C14orf132: variants seen among roughly 807,000 people sequenced by gnomAD.
C14orf132 encodes the protein chromosome 14 open reading frame 132.
Under a neutral mutation model 5.8 loss-of-function variants are expected in C14orf132, and 6 were observed. The ratio of observed to expected loss-of-function variants is 1.03; its 90% CI spans 0.57 to 2.04. The LOEUF (loss-of-function observed/expected upper bound fraction) is 2.04, where lower values mean the gene tolerates loss of function less well. C14orf132 is among the 30% of genes most tolerant of loss of function. C14orf132 has a pLI of 0.00. For missense variants in C14orf132, 125 were observed against 115.8 expected (o/e 1.08, Z -0.37); for synonymous variants, 51 against 49.8 (o/e 1.02, Z -0.10).
intron 1 of C14orf132, among the ~76,000 whole-genome samples, chr14:96,055,729 G>A (rs1241694244): frequency 1.3e-5 from 2 of 152,176 alleles, no homozygotes; most frequent in South Asian, 2.1e-4. Context: ...ACCGTGCCTG[G>A]TACAGAATAG....
rs758076664 is a variant in C14orf132, at chr14:96,093,651, G to C, written c.*6916G>C. The C allele has an allele frequency of 6.6e-6, 1 of 152,112 alleles. No individual in the cohort carries two copies. Among genetic ancestry groups the C allele is most frequent in the Admixed American group, 6.5e-5 (1 of 15,276 alleles). The allele number at this position is 152,112 out of a possible 1,614,324, so 9.4% of individuals were successfully genotyped here. On this transcript the variant is annotated 3_prime_UTR_variant, in exon 2 of 2. Transcript: ENST00000555004. ...AATGTAAGCAGTTGACTTCATAAAA[G>C]GTATTTTAACTATTCTTGGAGTCCT... is the stretch of plus-strand genomic sequence containing the variant.
intron 1 of C14orf132, among the ~76,000 whole-genome samples, chr14:96,057,126 A>G (rs1887207466): frequency 6.6e-6 from 1 of 152,234 alleles, no homozygotes; most frequent in South Asian, 2.1e-4. Flanking sequence ...TTAATCCCCA[A>G]TGCAATGGTA....
At chr14:96,069,959 C>G (rs563677903) in intron 1 of C14orf132, among the ~76,000 whole-genome samples, 1 of 152,300 alleles carries the variant, frequency 6.6e-6, no homozygotes, top group South Asian at 2.1e-4. Context: ...CAGGGCCTTC[C>G]AAGACCCCGT....
intron 1 of C14orf132, among the ~76,000 whole-genome samples, chr14:96,052,318 TG>T (rs1887052039): frequency 6.6e-6 from 1 of 151,958 alleles, no homozygotes; most frequent in African/African-American, 2.4e-5. Flanking sequence ...GTGCCAGAGG[TG>T]GGGGTGGGGA....
chr14:96,048,015 C>T (rs1281733336), intron 1 of C14orf132, among the ~76,000 whole-genome samples: 2 of 152,146 alleles, frequency 1.3e-5, no homozygotes, highest in Non-Finnish European at 2.9e-5. Flanking sequence ...TGATGAAACC[C>T]TGTCTCTACT....
At chr14:96,044,104 C>G (rs1886769377) in intron 1 of C14orf132, among the ~76,000 whole-genome samples, 1 of 152,234 alleles carries the variant, frequency 6.6e-6, no homozygotes, top group Non-Finnish European at 1.5e-5. Context: ...GCCAGGGACC[C>G]TCTGTGGATC....
intron 1 of C14orf132, among the ~76,000 whole-genome samples, chr14:96,079,160 A>G (rs1480673175): frequency 6.6e-6 from 1 of 152,174 alleles, no homozygotes; most frequent in Admixed American, 6.5e-5. Flanking sequence ...GAAACTTACA[A>G]TGACAGTTCA....
intron 1 of C14orf132, among the ~76,000 whole-genome samples, chr14:96,056,427 G>A (rs923479488): frequency 3.3e-5 from 5 of 152,156 alleles, no homozygotes; most frequent in African/African-American, 4.8e-5. Context: ...CCTCCTTCTC[G>A]CTGGGCTCCG....
At chr14:96,059,549 TC>T (rs2139656898) in intron 1 of C14orf132, among the ~76,000 whole-genome samples, 1 of 152,274 alleles carries the variant, frequency 6.6e-6, no homozygotes, top group South Asian at 2.1e-4. Flanking sequence ...TGTTTGGGCA[TC>T]CTTGCTGTCA....
chr14:96,077,312 T>C (rs1244488437), intron 1 of C14orf132, among the ~76,000 whole-genome samples: 2 of 152,166 alleles, frequency 1.3e-5, no homozygotes, highest in Non-Finnish European at 2.9e-5. Context: ...ATGGGCTGAG[T>C]TGTTGCCCCC....
intron 1 of C14orf132, among the ~76,000 whole-genome samples, chr14:96,049,653 T>TATATATATATAG (rs371381526): frequency 1.2e-5 from 1 of 82,282 alleles, no homozygotes; most frequent in African/African-American, 4.6e-5. Context: ...TATATATATA[T>TATATATATATAG]AGAGAGAGAG....
chr14:96,049,529 CATAT>C (rs1886942446), intron 1 of C14orf132, among the ~76,000 whole-genome samples: 4 of 138,066 alleles, frequency 2.9e-5, no homozygotes, highest in Non-Finnish European at 6.2e-5. Flanking sequence ...TATATATACA[CATAT>C]ATACATACGT....
rs563292566 is a variant in C14orf132 at position 96,087,304 on chromosome 14, A to G, written c.*569A>G. ...CTGGTCCCTTCCAAGACCCAAGTGC[A>G]TTGGGAGACCCAGGGATGGGGGGTT... On this transcript the variant is annotated 3_prime_UTR_variant, in exon 2 of 2. Transcript: ENST00000555004. The G allele has an allele frequency of 6.6e-6, 1 of 152,488 alleles. No individual in the cohort carries two copies. The highest frequency in any genetic ancestry group is 2.4e-5 in the African/African-American group (1 of 41,304). The allele number at this position is 152,488 out of a possible 1,614,324, so 9.4% of individuals were successfully genotyped here.
At chr14:96,042,681 C>T (rs956711812) in intron 1 of C14orf132, among the ~76,000 whole-genome samples, 1 of 152,216 alleles carries the variant, frequency 6.6e-6, no homozygotes, top group Non-Finnish European at 1.5e-5. Context: ...TCCTCTTAGA[C>T]AGAGGTGCCC....
chr14:96,070,390 C>T (rs1887667540), intron 1 of C14orf132, among the ~76,000 whole-genome samples: 1 of 152,162 alleles, frequency 6.6e-6, no homozygotes, highest in Non-Finnish European at 1.5e-5. Flanking sequence ...GGTTACCTAT[C>T]ACCGCCTCAT....
At chr14:96,064,309 C>T (rs1173679319) in intron 1 of C14orf132, among the ~76,000 whole-genome samples, 1 of 151,134 alleles carries the variant, frequency 6.6e-6, no homozygotes, top group African/African-American at 2.4e-5. Flanking sequence ...AATCGTGGAA[C>T]TGACCCAAAT....
intron 1 of C14orf132, among the ~76,000 whole-genome samples, chr14:96,085,745 A>G (rs1175517597): frequency 6.6e-6 from 1 of 152,204 alleles, no homozygotes; most frequent in Non-Finnish European, 1.5e-5. Flanking sequence ...TGATGCATGT[A>G]CATGCTAATG....
chr14:96,047,692 A>G (rs928608786), intron 1 of C14orf132, among the ~76,000 whole-genome samples: 1 of 152,218 alleles, frequency 6.6e-6, no homozygotes, highest in Non-Finnish European at 1.5e-5. Context: ...GATCAAACAC[A>G]GGTCTCTGCA....
At chr14:96,053,057 C>T (rs1479516151) in intron 1 of C14orf132, among the ~76,000 whole-genome samples, 8 of 152,160 alleles carry the variant, frequency 5.3e-5, no homozygotes, top group Non-Finnish European at 1.2e-4. Flanking sequence ...CTTCCACTTC[C>T]AGTGCTGAAA....
Sources: allele counts gnomAD v4.1 joint callset (sites outside exome capture counted in the v4.1 genomes callset), GRCh38; gene constraint gnomAD v4.1.1; transcripts MANE v1.5; gene names NCBI Gene and HGNC (gene_info 2026-07-23, HGNC 2026-07-21).